The following UST variants were observed in gnomAD, a reference collection of about 807,000 sequenced individuals.
UST encodes the protein uronyl 2-sulfotransferase, also known as chondroitin sulfate 2-O-sulfotransferase.
In UST, 21 loss-of-function variants were observed where a neutral mutation model predicts 45.6. That is an observed-to-expected ratio of 0.46 (90% CI 0.33 to 0.66). The LOEUF (loss-of-function observed/expected upper bound fraction) is 0.66. Ranked by LOEUF, UST falls within the 30% of genes least tolerant of loss-of-function variation. The pLI, the probability that UST is intolerant of heterozygous loss-of-function variation, is 0.02. For missense variants in UST, 463 were observed against 512.4 expected, an observed-to-expected ratio of 0.90 and a Z score of 0.93; for synonymous variants, 215 against 200.6, an observed-to-expected ratio of 1.07 and a Z score of -0.61.
intron 3 of UST, among the ~76,000 whole-genome samples, chr6:148,945,312 G>A (rs1780214421): frequency 1.3e-5 from 2 of 152,160 alleles, no homozygotes; most frequent in Non-Finnish European, 1.5e-5. Context: ...GTGGCTCTTG[G>A]CCTTGAACCT....
At chr6:148,865,019 C>A (rs1443477642) in intron 1 of UST, among the ~76,000 whole-genome samples, 1 of 152,128 alleles carries the variant, frequency 6.6e-6, no homozygotes, top group African/African-American at 2.4e-5. Flanking sequence ...TTGTACTCTG[C>A]GATTTTTAGG....
At chr6:148,954,752 G>A (rs899421496) in intron 4 of UST, among the ~76,000 whole-genome samples, 3 of 152,190 alleles carry the variant, frequency 2.0e-5, no homozygotes, top group African/African-American at 7.2e-5. Context: ...TAAGCCTCAC[G>A]TGTTTGATGC....
intron 1 of UST, among the ~76,000 whole-genome samples, chr6:148,798,554 A>T (rs1776994116): frequency 6.6e-6 from 1 of 152,074 alleles, no homozygotes; most frequent in Non-Finnish European, 1.5e-5. Flanking sequence ...GTAGCCTAGG[A>T]AGCGAGTGTA....
chr6:148,921,666 G>C (rs933678566), intron 2 of UST, among the ~76,000 whole-genome samples: 8 of 152,178 alleles, frequency 5.3e-5, no homozygotes, highest in South Asian at 2.1e-4. Context: ...CTGCACTCCA[G>C]GTGAACAGCT....
intron 2 of UST, among the ~76,000 whole-genome samples, chr6:148,940,528 T>C (rs573574621): frequency 1.3e-5 from 2 of 152,104 alleles, no homozygotes; most frequent in South Asian, 4.2e-4. Flanking sequence ...CAATAACAAG[T>C]GTTGGCAAGG....
At chr6:149,029,344 T>C (rs1776100600) in intron 7 of UST, among the ~76,000 whole-genome samples, 1 of 147,264 alleles carries the variant, frequency 6.8e-6, no homozygotes, top group Admixed American at 6.8e-5. Flanking sequence ...TTGTACGTTA[T>C]ATATTATATA....
intron 1 of UST, among the ~76,000 whole-genome samples, chr6:148,830,109 T>C (rs889521496): frequency 6.6e-6 from 1 of 152,158 alleles, no homozygotes; most frequent in African/African-American, 2.4e-5. Flanking sequence ...TTTAAGGTAA[T>C]TGGAGAAACC....
At chr6:149,019,989 A>G (rs1775955669) in intron 6 of UST, among the ~76,000 whole-genome samples, 1 of 152,350 alleles carries the variant, frequency 6.6e-6, no homozygotes, top group Middle Eastern at 3.4e-3. Flanking sequence ...GGCAGCAACA[A>G]TGAAGCATTA....
chr6:149,019,096 G>T (rs1775944753), intron 5 of UST, 43 bp from the exon 6 acceptor site: 1 of 1,427,704 alleles, frequency 7.0e-7, no homozygotes, highest in Non-Finnish European at 9.9e-7. Context: ...ATAGAGCCTT[G>T]CAGAGACTAC....
At chr6:148,840,776 A>C (rs181921342) in intron 1 of UST, among the ~76,000 whole-genome samples, 1 of 152,228 alleles carries the variant, frequency 6.6e-6, no homozygotes, top group Non-Finnish European at 1.5e-5. Flanking sequence ...CTTAAGGTCA[A>C]CTAATGCTCT....
At chr6:148,976,261 C>A (rs1781014508) in intron 5 of UST, among the ~76,000 whole-genome samples, 1 of 152,140 alleles carries the variant, frequency 6.6e-6, no homozygotes. Context: ...TGTTTAATAA[C>A]CACCTCTGGC....
intron 2 of UST, among the ~76,000 whole-genome samples, chr6:148,891,189 T>G (rs1332562604): frequency 6.6e-6 from 1 of 152,188 alleles, no homozygotes; most frequent in Admixed American, 6.5e-5. Context: ...CCGTGGCCTC[T>G]GCAGCATCAT....
chr6:148,872,808 T>C (rs1351326324), intron 1 of UST, among the ~76,000 whole-genome samples: 1 of 152,088 alleles, frequency 6.6e-6, no homozygotes, highest in Non-Finnish European at 1.5e-5. Flanking sequence ...GCAAAACACA[T>C]CCTCCAGCGT....
intron 3 of UST, among the ~76,000 whole-genome samples, chr6:148,945,604 T>C (rs1440522674): frequency 6.6e-6 from 1 of 152,216 alleles, no homozygotes; most frequent in African/African-American, 2.4e-5. Context: ...AAAAAAAATA[T>C]TATGGTTCAA....
Position 148,957,935 on chromosome 6 carries a change from C to T in UST, c.527+3984C>T, listed in dbSNP as rs143020553. Among the ~76,000 whole-genome samples, 728 of 152,310 alleles carry T rather than the reference C, an allele frequency of 4.8e-3. 2 individuals are homozygous for T. Among genetic ancestry groups the T allele is most frequent in the Admixed American group, 7.2e-3 (110 of 15,298 alleles). On this transcript the variant is annotated intron_variant, in intron 4 of 7. Coordinates refer to ENST00000367463, the MANE Select transcript of UST (RefSeq NM_005715.3). ...TTGATATTTCCAATCCTCCACACAT[C>T]GTTAACATGCCGCACGGTACTTGCT...
At chr6:148,889,355 T>C (rs35738720) in intron 2 of UST, among the ~76,000 whole-genome samples, 6,273 of 152,350 alleles carry the variant, frequency 0.041, 141 homozygotes, top group Middle Eastern at 0.11. Context: ...GTTTATTTAT[T>C]AATGTAATGA....
At chr6:148,852,467 T>A (rs145442273) in intron 1 of UST, among the ~76,000 whole-genome samples, 1 of 152,336 alleles carries the variant, frequency 6.6e-6, no homozygotes, top group African/African-American at 2.4e-5. Context: ...TTCTCAGACT[T>A]ACTGATTTTC....
chr6:148,984,187 T>G (rs1051315087), intron 5 of UST, among the ~76,000 whole-genome samples: 2 of 152,248 alleles, frequency 1.3e-5, no homozygotes, highest in Non-Finnish European at 2.9e-5. Context: ...GCACCTACTC[T>G]GTAGCCAGCC....
intron 1 of UST, among the ~76,000 whole-genome samples, chr6:148,774,879 A>G (rs928984315): frequency 6.6e-6 from 1 of 152,118 alleles, no homozygotes; most frequent in East Asian, 1.9e-4. Context: ...TTAGCCAGGC[A>G]TGGTGGCAGG....
Sources: allele counts gnomAD v4.1 joint callset (sites outside exome capture counted in the v4.1 genomes callset), GRCh38; gene constraint gnomAD v4.1.1; transcripts MANE v1.5; gene names NCBI Gene and HGNC (gene_info 2026-07-23, HGNC 2026-07-21).